Variants in CHODL observed in about 807,000 individuals in gnomAD.
CHODL encodes the protein chondrolectin.
In CHODL, 29 loss-of-function variants were observed where a neutral mutation model predicts 34.5. The ratio of observed to expected loss-of-function variants is 0.84; its 90% CI spans 0.63 to 1.15. CHODL has a LOEUF of 1.15. Ranked by LOEUF, CHODL falls within the 50% of genes most tolerant of loss-of-function variation. The probability of loss-of-function intolerance (pLI) is 0.00; values close to 1 mark genes in which losing one functional copy is unlikely to be tolerated. For synonymous variants in CHODL, 125 were observed against 116.1 expected (o/e 1.08, Z -0.49); for missense variants, 332 against 332.5 (o/e 1.00, Z 0.01).
At chr21:18,183,613 A>G (rs1193485094) in intron 2 of CHODL, among the ~76,000 whole-genome samples, 7 of 152,166 alleles carry the variant, frequency 4.6e-5, no homozygotes. Context: ...AGTTGCCTAG[A>G]TCCAGAAAAA....
intron 2 of CHODL, among the ~76,000 whole-genome samples, chr21:18,087,145 A>AT (rs979316421): frequency 6.6e-6 from 1 of 152,026 alleles, no homozygotes; most frequent in African/African-American, 2.4e-5. Context: ...AACTTGGCCC[A>AT]TGTTAAAATG....
At chr21:18,128,296 C>CAAAAAAAAAAAAAAAAAAA (rs71189585) in intron 2 of CHODL, among the ~76,000 whole-genome samples, 3 of 28,058 alleles carry the variant, frequency 1.1e-4, no homozygotes, top group Admixed American at 7.7e-4. Context: ...GCAAGAGTCT[C>CAAAAAAAAAAAAAAAAAAA]AAAAAAAAAA....
At chr21:18,217,926 A>C (rs527710112) in intron 2 of CHODL, among the ~76,000 whole-genome samples, 18 of 152,314 alleles carry the variant, frequency 1.2e-4, no homozygotes, top group African/African-American at 4.3e-4. Flanking sequence ...CTTTGACTCC[A>C]TGTCCCACAT....
chr21:18,251,104 G>A (rs1050467550), intron 1 of CHODL, among the ~76,000 whole-genome samples: 2 of 151,306 alleles, frequency 1.3e-5, no homozygotes, highest in Non-Finnish European at 3.0e-5. Flanking sequence ...GAAAGAAAAA[G>A]CAAACTACCC....
intron 2 of CHODL, among the ~76,000 whole-genome samples, chr21:18,154,192 T>C (rs1420804835): frequency 6.6e-6 from 1 of 152,248 alleles, no homozygotes; most frequent in East Asian, 1.9e-4. Flanking sequence ...GTATTATACA[T>C]ATTTTGTAAT....
At chr21:17,971,185 A>G (rs1166364966) in intron 1 of CHODL, among the ~76,000 whole-genome samples, 1 of 152,206 alleles carries the variant, frequency 6.6e-6, no homozygotes, top group African/African-American at 2.4e-5. Context: ...ACAGTGCTGC[A>G]ATAAACATAC....
chr21:18,221,391 T>C (rs2146739439), intron 2 of CHODL, among the ~76,000 whole-genome samples: 1 of 152,332 alleles, frequency 6.6e-6, no homozygotes. Flanking sequence ...GGATTTCCTT[T>C]TCTTTAGGAT....
At chr21:17,999,056 AC>A (rs1451585884) in intron 1 of CHODL, among the ~76,000 whole-genome samples, 2 of 152,102 alleles carry the variant, frequency 1.3e-5, no homozygotes, top group African/African-American at 4.8e-5. Flanking sequence ...TTTTGACAGC[AC>A]CCAAGTCACC....
At chr21:18,146,365 A>G (rs1228716293) in intron 2 of CHODL, among the ~76,000 whole-genome samples, 7 of 152,086 alleles carry the variant, frequency 4.6e-5, no homozygotes, top group African/African-American at 1.7e-4. Context: ...CTCATCTTGA[A>G]TTGTAATCTG....
In CHODL at chr21:18,260,921, T is replaced by C. The variant is rs562033601; in HGVS notation, c.634+635T>C. On this transcript the variant is annotated intron_variant, in intron 4 of 5. Coordinates refer to ENST00000299295, the MANE Select transcript of CHODL (RefSeq NM_024944.3). The stretch of plus-strand genomic sequence containing the variant: ...TTTCTCTAACAACATGTAGGCGTCA[T>C]GATGCAAATTGGCACATTCAGTGGA... Among the ~76,000 whole-genome samples the C allele has an allele frequency of 2.0e-5, 3 of 152,262 alleles. No individual in the cohort carries two copies. The South Asian group carries it at 6.2e-4, about 32-fold the overall frequency.
chr21:18,170,137 T>A (rs957874465), intron 2 of CHODL, among the ~76,000 whole-genome samples: 1 of 152,050 alleles, frequency 6.6e-6, no homozygotes, highest in African/African-American at 2.4e-5. Flanking sequence ...TTCATTTTTT[T>A]ATGTCTTTCT....
At chr21:18,241,620 TG>T (rs1404679501), upstream of CHODL, among the ~76,000 whole-genome samples, 3 of 152,152 alleles carry the variant, frequency 2.0e-5, no homozygotes, top group African/African-American at 7.2e-5. Context: ...GATCAGTGGC[TG>T]GAATTTAGGC....
chr21:18,185,067 A>G (rs912317947), intron 2 of CHODL, among the ~76,000 whole-genome samples: 1 of 152,004 alleles, frequency 6.6e-6, no homozygotes. Flanking sequence ...ATACATGTGC[A>G]GAACGTGCAG....
intron 1 of CHODL, among the ~76,000 whole-genome samples, chr21:17,917,656 A>G (rs1439600322): frequency 6.6e-6 from 1 of 152,138 alleles, no homozygotes; most frequent in Non-Finnish European, 1.5e-5. Context: ...TTCTCTTGCC[A>G]TCTGATTACC....
chr21:17,968,567 A>G (rs2063590977), intron 1 of CHODL, among the ~76,000 whole-genome samples: 1 of 152,142 alleles, frequency 6.6e-6, no homozygotes, highest in Non-Finnish European at 1.5e-5. Flanking sequence ...TTCAGAAACA[A>G]TTTTACTTTT....
chr21:18,251,782 A>C (rs2074259855), intron 1 of CHODL, among the ~76,000 whole-genome samples: 1 of 137,198 alleles, frequency 7.3e-6, no homozygotes, highest in South Asian at 2.2e-4. Context: ...ATATTTATAT[A>C]CTTTATATAA....
At chr21:18,166,756 A>T (rs1025941781) in intron 2 of CHODL, among the ~76,000 whole-genome samples, 2 of 152,132 alleles carry the variant, frequency 1.3e-5, no homozygotes, top group Non-Finnish European at 2.9e-5. Flanking sequence ...CTTTTGTACT[A>T]TAATTTTATT....
At chr21:18,102,546 A>G (rs2065228331) in intron 2 of CHODL, among the ~76,000 whole-genome samples, 1 of 152,166 alleles carries the variant, frequency 6.6e-6, no homozygotes, top group Admixed American at 6.6e-5. Context: ...TCTTTCACTT[A>G]TTTTTGAGGA....
chr21:17,961,825 G>A (rs1462032190), intron 1 of CHODL, among the ~76,000 whole-genome samples: 1 of 152,220 alleles, frequency 6.6e-6, no homozygotes, highest in Non-Finnish European at 1.5e-5. Context: ...TAAATGCTCA[G>A]TACAAGAGAG....
Sources: allele counts gnomAD v4.1 joint callset (sites outside exome capture counted in the v4.1 genomes callset), GRCh38; gene constraint gnomAD v4.1.1; transcripts MANE v1.5; gene names NCBI Gene and HGNC (gene_info 2026-07-23, HGNC 2026-07-21).